STOX2: variants seen among roughly 807,000 people sequenced by gnomAD.
STOX2 encodes storkhead box 2, also known as storkhead-box protein 2.
A neutral mutation model predicts 60.9 loss-of-function variants in STOX2; 28 were observed. The observed-to-expected ratio is 0.46, with a 90% CI of 0.34 to 0.63. The LOEUF is 0.63. STOX2 is among the 30% of genes least tolerant of loss of function. The probability of loss-of-function intolerance (pLI) is 0.01; values close to 1 mark genes in which losing one functional copy is unlikely to be tolerated. For synonymous variants in STOX2, 472 were observed against 463.9 expected (o/e 1.02, Z -0.22); for missense variants, 1,024 against 1,187.7 (o/e 0.86, Z 2.03).
At chr4:184,006,853 A>G (rs1308274978) in intron 2 of STOX2, among the ~76,000 whole-genome samples, 4 of 150,998 alleles carry the variant, frequency 2.6e-5, no homozygotes, top group South Asian at 4.2e-4. Flanking sequence ...CGTCTCTACT[A>G]AAAATACAAA....
At chr4:183,902,369 C>A (rs1741481097), upstream of STOX2, among the ~76,000 whole-genome samples, 1 of 152,206 alleles carries the variant, frequency 6.6e-6, no homozygotes, top group African/African-American at 2.4e-5. Flanking sequence ...ATTAGTGTCT[C>A]TAATCTGTCT....
intron 1 of STOX2, among the ~76,000 whole-genome samples, chr4:183,862,705 G>C (rs929003542): frequency 2.0e-5 from 3 of 152,252 alleles, no homozygotes; most frequent in African/African-American, 7.2e-5. Context: ...CTCGATACAG[G>C]CTTTGGGGGC....
rs189695436 is a variant in STOX2, at chr4:184,009,549, T to C, written c.711T>C (p.Thr237=). The change falls in exon 3 of 4, where the codon ACT becomes ACC. Residue 237 remains threonine, a synonymous_variant. Coordinates refer to ENST00000308497, the MANE Select transcript of STOX2 (RefSeq NM_020225.3). The surrounding 1 kb of genome is among the most constrained non-coding windows in gnomAD (Gnocchi z 4.0). ...CPPSLCQVPP[T]EKSKSTVNFS... is the part of the protein sequence containing the mutation. ...CTTCTCTGTGCCAGGTGCCACCCAC[T>C]GAAAAGAGCAAAAGTACTGTAAATT... The C allele has an allele frequency of 1.6e-4, 252 of 1,613,858 alleles. 1 individual carries two copies. The African/African-American group carries it at 2.6e-3, about 17-fold the overall frequency.
intron 1 of STOX2, among the ~76,000 whole-genome samples, chr4:183,849,026 AGTT>A (rs1740048836): frequency 6.6e-6 from 1 of 152,146 alleles, no homozygotes; most frequent in African/African-American, 2.4e-5. Context: ...TTAGATAACT[AGTT>A]CACTCTGGGC....
chr4:183,943,672 T>C (rs1199355061), intron 1 of STOX2, among the ~76,000 whole-genome samples: 2 of 151,890 alleles, frequency 1.3e-5, no homozygotes, highest in African/African-American at 2.4e-5. Flanking sequence ...AGGTCAGGAG[T>C]TCGAGACCAG....
At position 183,887,988 on chromosome 4, in the gene STOX2, A is replaced by G. The variant is rs1046055444; in HGVS notation, c.364+89933A>G. 3.9e-5 allele frequency among the ~76,000 whole-genome samples: 6 copies of G among 152,304 alleles called. No homozygotes were observed. In the East Asian group the frequency reaches 1.2e-3, roughly 29 times the overall value. On this transcript the variant is annotated intron_variant, in intron 1 of 2. Coordinates refer to the STOX2 transcript ENST00000513034. ...AGGTTGGTCTCGAGCTCTTAGCTTC[A>G]AGTGATCCTCCTGCCTTGGCCTCCC...
chr4:183,899,311 T>G (rs1741412488), intron 1 of STOX2, among the ~76,000 whole-genome samples: 1 of 152,294 alleles, frequency 6.6e-6, no homozygotes, highest in East Asian at 1.9e-4. Flanking sequence ...GTCACATGTC[T>G]CTTACTTGAA....
chr4:183,954,046 G>A (rs1579462714), intron 1 of STOX2, among the ~76,000 whole-genome samples: 1 of 152,168 alleles, frequency 6.6e-6, no homozygotes, highest in East Asian at 1.9e-4. Context: ...GGTTTCATGT[G>A]ACAACACCCC....
At chr4:183,854,278 A>G (rs1468328838) in intron 1 of STOX2, among the ~76,000 whole-genome samples, 1 of 151,938 alleles carries the variant, frequency 6.6e-6, no homozygotes, top group Non-Finnish European at 1.5e-5. Context: ...TTTCTCATGA[A>G]CCTCCATTAA....
chr4:183,956,656 C>T (rs924933633), intron 1 of STOX2, among the ~76,000 whole-genome samples: 3 of 152,096 alleles, frequency 2.0e-5, no homozygotes, highest in Admixed American at 2.0e-4. Context: ...TGATATGATA[C>T]TATTTCTAGT....
chr4:184,014,583 A>C lies in STOX2; in HGVS notation c.2586-2506A>C, dbSNP rs182248235. ...CATTAGCTCTCTTTAAAAAAAAAAA[A>C]CAAAAAACAAAAAACCAACTTTTAA... is the stretch of plus-strand genomic sequence containing the variant. On this transcript the variant is annotated intron_variant, in intron 3 of 3. Transcript: ENST00000308497. The C allele has an allele frequency of 2.0e-3, 300 of 151,858 alleles. 2 individuals are homozygous for C. The highest frequency in any genetic ancestry group is 6.9e-3 in the African/African-American group (286 of 41,336). 9.4% of individuals were successfully genotyped at this position (151,858 alleles called of 1,614,324 possible).
chr4:183,864,845 A>T (rs1370537791), intron 1 of STOX2, among the ~76,000 whole-genome samples: 1 of 152,212 alleles, frequency 6.6e-6, no homozygotes, highest in Non-Finnish European at 1.5e-5. Flanking sequence ...CACTTCACTT[A>T]TCCGTCCCAG....
intron 1 of STOX2, among the ~76,000 whole-genome samples, chr4:183,935,513 G>T (rs552895595): frequency 1.3e-5 from 2 of 152,354 alleles, no homozygotes; most frequent in East Asian, 3.9e-4. Context: ...GGGACAGAAG[G>T]CCAGGGCTGA....
chr4:183,845,718 T>C (rs1739968944), intron 1 of STOX2, among the ~76,000 whole-genome samples: 1 of 152,234 alleles, frequency 6.6e-6, no homozygotes, highest in Non-Finnish European at 1.5e-5. Context: ...TGCTGCAGAT[T>C]TACAGTTCTC....
chr4:184,004,050 A>G (rs1237171537), intron 2 of STOX2, among the ~76,000 whole-genome samples: 1 of 152,080 alleles, frequency 6.6e-6, no homozygotes, highest in East Asian at 1.9e-4. Context: ...TGTATTTTTA[A>G]TGACAATGCT....
chr4:183,811,344 G>A (rs143215693), intron 1 of STOX2, among the ~76,000 whole-genome samples: 248 of 152,322 alleles, frequency 1.6e-3, no homozygotes, highest in African/African-American at 5.8e-3. Context: ...TGTGGGCATT[G>A]CTATGGAGTT....
chr4:183,984,590 A>G (rs1190685558), intron 1 of STOX2, among the ~76,000 whole-genome samples: 3 of 152,208 alleles, frequency 2.0e-5, no homozygotes, highest in Non-Finnish European at 4.4e-5. Context: ...AATTGATTTA[A>G]TGGTATTTAT....
In STOX2 at chr4:183,825,966, G is replaced by C. The variant is rs1384032980; in HGVS notation, c.364+27911G>C. On this transcript the variant is annotated intron_variant, in intron 1 of 2. Coordinates refer to the STOX2 transcript ENST00000513034. This position sits in a 1 kb window ranked among gnomAD's most constrained non-coding sequence, Gnocchi z 4.1. ...ACCATTTGCAGTCGCTGAAACCTTTGGGTAATCTATCACCTCTTCTTCTGC... is the reference window on the plus strand; with the variant it reads ...ACCATTTGCAGTCGCTGAAACCTTTCGGTAATCTATCACCTCTTCTTCTGC... Among the ~76,000 whole-genome samples, 1 of 152,008 alleles carries C rather than the reference G, an allele frequency of 6.6e-6. No homozygotes were observed. The highest frequency in any genetic ancestry group is 2.4e-5 in the African/African-American group (1 of 41,324).
intron 1 of STOX2, among the ~76,000 whole-genome samples, chr4:183,936,902 C>T (rs73870988): frequency 0.024 from 3,707 of 152,242 alleles, 162 homozygotes; most frequent in African/African-American, 0.082. Context: ...ATAAACAGTT[C>T]TTAAAATATT....
Sources: allele counts gnomAD v4.1 joint callset (sites outside exome capture counted in the v4.1 genomes callset), GRCh38; gene constraint gnomAD v4.1.1; non-coding constraint Gnocchi (gnomAD v3.1); transcripts MANE v1.5; gene names NCBI Gene and HGNC (gene_info 2026-07-23, HGNC 2026-07-21).